Variants in BLK observed in about 807,000 individuals in gnomAD.
BLK encodes the protein tyrosine-protein kinase Blk.
BLK carries 64 observed loss-of-function variants against 61.8 expected under a neutral mutation model. That is an observed-to-expected ratio of 1.03 (90% confidence interval 0.85 to 1.27). The LOEUF (loss-of-function observed/expected upper bound fraction) is 1.27, where lower values mean the gene tolerates loss of function less well. Ranked by LOEUF, BLK falls within the 50% of genes most tolerant of loss-of-function variation. The pLI is 0.00. For missense variants in BLK, 853 were observed against 660.5 expected, an observed-to-expected ratio of 1.29 and a Z score of -3.19; for synonymous variants, 351 against 272.0, an observed-to-expected ratio of 1.29 and a Z score of -2.86.
chr8:11,504,555 A>G (rs766313833), intron 1 of BLK, among the ~76,000 whole-genome samples: 1 of 152,232 alleles, frequency 6.6e-6, no homozygotes, highest in Non-Finnish European at 1.5e-5. Context: ...GTGTAATGCC[A>G]TCACAGGGAC....
At chr8:11,559,416 GACTC>G (rs1801380365) in intron 10 of BLK, among the ~76,000 whole-genome samples, 1 of 148,028 alleles carries the variant, frequency 6.8e-6, no homozygotes, top group Admixed American at 6.7e-5. Context: ...CAGACACACA[GACTC>G]ACACACACAA....
rs556338612 is a variant in BLK, at chr8:11,547,621, G to A, written c.176-411G>A. ...ACCCCTACTGGGGATAGAGGCAGGC[G>A]GGGCAGAGGAGGAAAAGGATAAGAG... On this transcript the variant is annotated intron_variant, in intron 3 of 12. Coordinates refer to ENST00000259089, the MANE Select transcript of BLK (RefSeq NM_001715.3). Among the ~76,000 whole-genome samples the A allele has an allele frequency of 1.6e-3, 240 of 152,348 alleles. 1 individual carries two copies. Among genetic ancestry groups the A allele is most frequent in the African/African-American group, 5.7e-3 (237 of 41,578 alleles).
At chr8:11,548,212 C>A in intron 4 of BLK, 87 bp downstream of exon 4, 2 of 1,191,470 alleles carry the variant, frequency 1.7e-6, no homozygotes, top group Non-Finnish European at 2.5e-6. Flanking sequence ...TCCTCCATGG[C>A]TGACCCTGGA....
At chr8:11,501,865 T>G (rs1290727174) in intron 1 of BLK, among the ~76,000 whole-genome samples, 1 of 152,228 alleles carries the variant, frequency 6.6e-6, no homozygotes, top group Non-Finnish European at 1.5e-5. Context: ...TTTGTTGAAC[T>G]GGGTAGTAGT....
intron 2 of BLK, 76 bp from the exon 3 acceptor site, chr8:11,545,976 C>G (rs1800616182): frequency 1.3e-6 from 2 of 1,500,198 alleles, no homozygotes; most frequent in South Asian, 2.3e-5. Context: ...GGCTGCCCGG[C>G]TCAGCAGTCT....
intron 1 of BLK, among the ~76,000 whole-genome samples, chr8:11,540,208 A>T (rs140236510): frequency 6.6e-6 from 1 of 152,020 alleles, no homozygotes; most frequent in African/African-American, 2.4e-5. Context: ...ATTTTTTAAT[A>T]TCATGTGAGG....
At chr8:11,527,606 G>C (rs1289945051) in intron 1 of BLK, among the ~76,000 whole-genome samples, 1 of 151,968 alleles carries the variant, frequency 6.6e-6, no homozygotes, top group African/African-American at 2.4e-5. Flanking sequence ...TTGGTGGGCA[G>C]GGTAATAGAT....
intron 1 of BLK, among the ~76,000 whole-genome samples, chr8:11,523,240 A>G (rs1799522670): frequency 6.6e-6 from 1 of 152,240 alleles, no homozygotes; most frequent in African/African-American, 2.4e-5. Flanking sequence ...AATACATACC[A>G]TGCTGTAATA....
intron 1 of BLK, among the ~76,000 whole-genome samples, chr8:11,514,125 G>A (rs970291473): frequency 6.6e-6 from 1 of 152,184 alleles, no homozygotes; most frequent in African/African-American, 2.4e-5. Flanking sequence ...GAAATGAGTG[G>A]AGGAAAATCC....
At chr8:11,510,608 C>T (rs1054058996) in intron 1 of BLK, among the ~76,000 whole-genome samples, 7 of 151,944 alleles carry the variant, frequency 4.6e-5, no homozygotes, top group African/African-American at 1.7e-4. Context: ...TTAAAAAACC[C>T]AGCTTTCTCT....
chr8:11,545,546 C>G (rs1321852254), intron 2 of BLK, among the ~76,000 whole-genome samples: 1 of 152,050 alleles, frequency 6.6e-6, no homozygotes, highest in Non-Finnish European at 1.5e-5. Context: ...GAGACTCCAT[C>G]TCAAAAAAAA....
chr8:11,564,287 C>T lies in BLK; in HGVS notation c.*179C>T. Reference sequence around the variant, plus strand: ...GGACGGACTCCTTCACCGACTGCACCCCCGGGCGAGTTACGCGGCCTCTCT... The same window carrying T: ...GGACGGACTCCTTCACCGACTGCACTCCCGGGCGAGTTACGCGGCCTCTCT... On this transcript the variant is annotated 3_prime_UTR_variant, in exon 13 of 13. Transcript: ENST00000259089. 1 of 773,768 alleles carries T rather than the reference C, an allele frequency of 1.3e-6. No homozygotes were observed. Among genetic ancestry groups the T allele is most frequent in the Non-Finnish European group, 2.2e-6 (1 of 452,898 alleles). 47.9% of individuals were successfully genotyped at this position (773,768 alleles called of 1,614,324 possible).
chr8:11,528,133 C>G (rs565312185), intron 1 of BLK, among the ~76,000 whole-genome samples: 1 of 152,128 alleles, frequency 6.6e-6, no homozygotes, highest in African/African-American at 2.4e-5. Context: ...GCCTCCCAGG[C>G]TCAGGTGATC....
chr8:11,515,040 G>T (rs906638949), intron 1 of BLK, among the ~76,000 whole-genome samples: 2 of 152,142 alleles, frequency 1.3e-5, no homozygotes. Flanking sequence ...CTGCTGCTCT[G>T]AGATTCTTCC....
chr8:11,548,134 C>T lies in BLK; in HGVS notation c.269+9C>T, dbSNP rs768647234. On this transcript the variant is annotated intron_variant, in intron 4 of 12. Coordinates refer to ENST00000259089, the MANE Select transcript of BLK (RefSeq NM_001715.3). ...CTACAGGTCCTGAAGGGGTGAGGTT[C>T]CAGGACACCATCCCCTGTCCCTGCA... is the stretch of plus-strand genomic sequence containing the variant. 3.7e-6 allele frequency: 6 copies of T among 1,607,232 alleles called. No individual in the cohort carries two copies. Among genetic ancestry groups the T allele is most frequent in the Non-Finnish European group, 5.1e-6 (6 of 1,175,086 alleles).
At chr8:11,536,149 G>T (rs763876648) in intron 1 of BLK, among the ~76,000 whole-genome samples, 7 of 152,236 alleles carry the variant, frequency 4.6e-5, no homozygotes, top group Admixed American at 2.6e-4. Flanking sequence ...AGTTTTGTTA[G>T]ATGTGATGAA....
chr8:11,539,114 G>A (rs1441673001), intron 1 of BLK, among the ~76,000 whole-genome samples: 1 of 151,544 alleles, frequency 6.6e-6, no homozygotes, highest in Non-Finnish European at 1.5e-5. Flanking sequence ...CCACACCTCT[G>A]TTTTGTACTC....
chr8:11,555,677 C>T (rs1001859848), intron 8 of BLK, 193 bp downstream of exon 8: 38 of 865,100 alleles, frequency 4.4e-5, no homozygotes, highest in Middle Eastern at 3.4e-4. Flanking sequence ...CAGCTGGGAC[C>T]GCTTATGGTG....
chr8:11,559,484 AACACATTTACACAAACTCACAAACT>A (rs1801385932), intron 10 of BLK, among the ~76,000 whole-genome samples: 3 of 149,378 alleles, frequency 2.0e-5, no homozygotes, highest in Non-Finnish European at 4.5e-5. Flanking sequence ...AACTCACACA[AACACATTTACACAAACTCACAAACT>A]CACACACACA....
Sources: gnomAD v4.1 joint callset for allele counts (sites outside exome capture counted in the v4.1 genomes callset) on GRCh38, gnomAD v4.1.1 for gene constraint, MANE v1.5 for transcripts, NCBI Gene and HGNC (gene_info 2026-07-23, HGNC 2026-07-21) for gene names.